The following CA8 variants were observed in gnomAD, a reference collection of about 807,000 sequenced individuals.
CA8 encodes carbonic anhydrase-related protein.
In CA8, 22 loss-of-function variants were observed where a neutral mutation model predicts 41.4. That is an observed-to-expected ratio of 0.53 (90% confidence interval 0.38 to 0.76). The LOEUF is 0.76. Ranked by LOEUF, CA8 falls within the 30% of genes least tolerant of loss-of-function variation. The probability of loss-of-function intolerance (pLI) is 0.00; values close to 1 mark genes in which losing one functional copy is unlikely to be tolerated. For missense variants in CA8, 270 were observed against 352.8 expected (o/e 0.77, Z 1.88); for synonymous variants, 121 against 130.6 (o/e 0.93, Z 0.50).
chr8:60,220,782 G>A lies in CA8; in HGVS notation c.738+1867C>T, dbSNP rs1011839956. On this transcript the variant is annotated intron_variant, in intron 7 of 8. Coordinates refer to ENST00000317995, the MANE Select transcript of CA8 (RefSeq NM_004056.6). ...TAGAATGCACTTCCCAGCCTCCCCC[G>A]CCGTTAGGGTAGTTATGTGACCAGT... Among the ~76,000 whole-genome samples, 71 of 152,122 alleles carry A rather than the reference G, an allele frequency of 4.7e-4. 1 individual carries two copies. Among genetic ancestry groups the A allele is most frequent in the African/African-American group, 1.7e-3 (69 of 41,492 alleles).
At chr8:60,274,172 A>C (rs1804155887) in intron 2 of CA8, among the ~76,000 whole-genome samples, 1 of 150,248 alleles carries the variant, frequency 6.7e-6, no homozygotes, top group African/African-American at 2.5e-5. Flanking sequence ...TTTTTAATTT[A>C]AGAAGACAGC....
intron 4 of CA8, among the ~76,000 whole-genome samples, chr8:60,228,389 G>A (rs747115977): frequency 3.3e-5 from 5 of 152,186 alleles, no homozygotes; most frequent in African/African-American, 4.8e-5. Context: ...TGTCTTACTG[G>A]TTTAACCATA....
Position 60,188,924 on chromosome 8 carries a change from A to T in CA8, c.*1097T>A, listed in dbSNP as rs140836397. 1 of 152,218 alleles carries T rather than the reference A, an allele frequency of 6.6e-6. No individual in the cohort carries two copies. The highest frequency in any genetic ancestry group is 1.9e-4 in the East Asian group (1 of 5,178). 9.4% of individuals were successfully genotyped at this position (152,218 alleles called of 1,614,324 possible). A position where few individuals can be genotyped will look rare whatever the true frequency, so the allele number is the denominator to read the frequency against. On this transcript the variant is annotated 3_prime_UTR_variant, in exon 9 of 9. Transcript: ENST00000317995. ...TGACTTAGATATTCTGCATCACAAA[A>T]TCCCTCCAAACTGGGACTATGTTTT... is the stretch of plus-strand genomic sequence containing the variant.
At chr8:60,260,874 C>A (rs1585918185) in intron 3 of CA8, among the ~76,000 whole-genome samples, 1 of 152,256 alleles carries the variant, frequency 6.6e-6, no homozygotes, top group East Asian at 1.9e-4. Context: ...TTGAGATGTT[C>A]CTGAAAGTTA....
At chr8:60,195,478 TAACTA>T (rs1396686037) in intron 8 of CA8, among the ~76,000 whole-genome samples, 2 of 152,232 alleles carry the variant, frequency 1.3e-5, no homozygotes, top group Admixed American at 1.3e-4. Context: ...CATTGATAAC[TAACTA>T]AAGTATCCCT....
At chr8:60,216,029 T>G (rs1323972522) in intron 7 of CA8, among the ~76,000 whole-genome samples, 1 of 152,244 alleles carries the variant, frequency 6.6e-6, no homozygotes, top group African/African-American at 2.4e-5. Context: ...TTTTAATTTC[T>G]CAATATAATC....
chr8:60,223,741 T>G (rs906476530), intron 6 of CA8, among the ~76,000 whole-genome samples: 2 of 152,222 alleles, frequency 1.3e-5, no homozygotes, highest in Non-Finnish European at 2.9e-5. Flanking sequence ...GATGGATAAA[T>G]GGTTAACATA....
rs73685403 is a variant in CA8, at chr8:60,244,232, A to G, written c.418-11853T>C. ...ATCCACTTGGCTGATTCCCATCACC[A>G]GTGCCTTAGTTTCAAGATCCATAAT... On this transcript the variant is annotated intron_variant, in intron 3 of 8. Transcript: ENST00000317995. Among the ~76,000 whole-genome samples, 183 of 152,258 alleles carry G rather than the reference A, an allele frequency of 1.2e-3. 1 individual carries two copies. Among genetic ancestry groups the G allele is most frequent in the African/African-American group, 4.2e-3 (176 of 41,548 alleles).
Position 60,247,097 on chromosome 8 carries a change from A to ATGATCTCGATCTCC in CA8, c.418-14732_418-14719dup. On this transcript the variant is annotated intron_variant, in intron 3 of 8. Coordinates refer to ENST00000317995, the MANE Select transcript of CA8 (RefSeq NM_004056.6). ...ACGGGGTTTCACGGTGTTAGCCAGG[A>ATGATCTCGATCTCC]TGATCTCGATCTCCTGACCTCATGA... is the stretch of plus-strand genomic sequence containing the variant. 2.6e-5 allele frequency among the ~76,000 whole-genome samples: 4 copies of ATGATCTCGATCTCC among 151,986 alleles called. No individual in the cohort carries two copies. The South Asian group carries it at 8.3e-4, about 32-fold the overall frequency.
At chr8:60,262,205 C>A (rs1803755598) in intron 3 of CA8, among the ~76,000 whole-genome samples, 1 of 151,982 alleles carries the variant, frequency 6.6e-6, no homozygotes, top group Non-Finnish European at 1.5e-5. Context: ...GAATATACAG[C>A]CTGAATGCAG....
intron 4 of CA8, among the ~76,000 whole-genome samples, chr8:60,228,869 A>G (rs573062608): frequency 5.9e-5 from 9 of 152,244 alleles, no homozygotes; most frequent in Non-Finnish European, 1.2e-4. Flanking sequence ...TATCTTGCAA[A>G]TTCTATAAAC....
chr8:60,215,870 TC>T (rs970271563), intron 7 of CA8, among the ~76,000 whole-genome samples: 1 of 152,170 alleles, frequency 6.6e-6, no homozygotes, highest in Admixed American at 6.5e-5. Context: ...ATTTAGAACT[TC>T]AATGTTGCTA....
intron 1 of CA8, among the ~76,000 whole-genome samples, chr8:60,280,290 G>C (rs763267799): frequency 3.3e-5 from 5 of 152,176 alleles, no homozygotes; most frequent in Non-Finnish European, 7.3e-5. Flanking sequence ...TAACTCTCAT[G>C]CTAGTAAATA....
intron 7 of CA8, among the ~76,000 whole-genome samples, chr8:60,216,761 T>C (rs1331240937): frequency 6.6e-6 from 1 of 152,220 alleles, no homozygotes; most frequent in Non-Finnish European, 1.5e-5. Flanking sequence ...CTCAATATAG[T>C]TCAGCATTAA....
intron 7 of CA8, among the ~76,000 whole-genome samples, chr8:60,214,204 T>C (rs59512070): frequency 0.036 from 5,540 of 152,258 alleles, 346 homozygotes; most frequent in African/African-American, 0.12. Flanking sequence ...AAGTCCAAGA[T>C]CAAGACATTT....
intron 3 of CA8, among the ~76,000 whole-genome samples, chr8:60,248,105 T>C (rs1271975926): frequency 6.6e-6 from 1 of 152,124 alleles, no homozygotes; most frequent in Non-Finnish European, 1.5e-5. Flanking sequence ...TGTTTTTTTT[T>C]TTTACCTTGT....
intron 3 of CA8, among the ~76,000 whole-genome samples, chr8:60,238,380 C>CA (rs1305361725): frequency 1.1e-4 from 16 of 152,286 alleles, no homozygotes; most frequent in Admixed American, 3.3e-4. Context: ...TCCTTTTCCC[C>CA]AGCCCTGGGC....
At chr8:60,211,114 C>T (rs1000563787) in intron 7 of CA8, among the ~76,000 whole-genome samples, 1 of 152,284 alleles carries the variant, frequency 6.6e-6, no homozygotes, top group African/African-American at 2.4e-5. Flanking sequence ...CCTCTTCAAA[C>T]CTCAGTTTCC....
chr8:60,255,437 G>A (rs1414001300), intron 3 of CA8, among the ~76,000 whole-genome samples: 2 of 152,080 alleles, frequency 1.3e-5, no homozygotes, highest in African/African-American at 4.8e-5. Flanking sequence ...CTCTTTATTG[G>A]ATCTCCTCTG....
Sources: allele counts gnomAD v4.1 joint callset (sites outside exome capture counted in the v4.1 genomes callset), GRCh38; gene constraint gnomAD v4.1.1; transcripts MANE v1.5; gene names NCBI Gene and HGNC (gene_info 2026-07-23, HGNC 2026-07-21).